CR1L: variants seen among roughly 807,000 people sequenced by gnomAD.
The protein encoded by CR1L is complement C3b/C4b receptor 1 like.
In CR1L, 59 loss-of-function variants were observed where a neutral mutation model predicts 62.3. That is an observed-to-expected ratio of 0.95 (90% CI 0.77 to 1.18). CR1L has a LOEUF of 1.18. Among genes scored for constraint, CR1L ranks in the 50% most tolerant of loss-of-function variants. The pLI, the probability that CR1L is intolerant of heterozygous loss-of-function variation, is 0.00. For synonymous variants in CR1L, 279 were observed against 248.7 expected (o/e 1.12, Z -1.15); for missense variants, 700 against 702.8 (o/e 1.00, Z 0.04).
intron 4 of CR1L, among the ~76,000 whole-genome samples, chr1:207,687,699 T>C (rs1338244170): frequency 6.6e-6 from 1 of 152,234 alleles, no homozygotes; most frequent in Non-Finnish European, 1.5e-5. Flanking sequence ...TATATTGTAT[T>C]TCACTGATGA....
At chr1:207,646,056 C>T (rs12745818) in intron 1 of CR1L, among the ~76,000 whole-genome samples, 27,878 of 149,988 alleles carry the variant, frequency 0.19, 3,212 homozygotes, top group Non-Finnish European at 0.27. Context: ...CTTTTAGTGC[C>T]TTCTGTGAAC....
intron 1 of CR1L, among the ~76,000 whole-genome samples, chr1:207,667,010 T>A (rs1236113485): frequency 6.6e-6 from 1 of 152,230 alleles, no homozygotes; most frequent in East Asian, 1.9e-4. Context: ...TTGTGCCTTT[T>A]TTGGAAGTCC....
intron 4 of CR1L, among the ~76,000 whole-genome samples, chr1:207,686,171 CCT>C (rs1294030162): frequency 1.1e-4 from 12 of 109,822 alleles, no homozygotes; most frequent in East Asian, 7.7e-4. Context: ...TTCCTTCCTT[CCT>C]TCCTTCCCTC....
intron 3 of CR1L, among the ~76,000 whole-genome samples, chr1:207,683,326 A>T (rs1663834741): frequency 6.6e-6 from 1 of 152,164 alleles, no homozygotes; most frequent in Middle Eastern, 3.4e-3. Flanking sequence ...TTGTTGAGAC[A>T]GGGTCTCACT....
At chr1:207,647,005 T>A (rs1052013704) in intron 1 of CR1L, among the ~76,000 whole-genome samples, 1 of 140,206 alleles carries the variant, frequency 7.1e-6, no homozygotes, top group Admixed American at 7.0e-5. Flanking sequence ...TTCTTTATCC[T>A]TTTTTTACTA....
chr1:207,707,321 A>G (rs1664282281), intron 9 of CR1L, among the ~76,000 whole-genome samples: 1 of 152,204 alleles, frequency 6.6e-6, no homozygotes, highest in South Asian at 2.1e-4. Context: ...AAATCATGAA[A>G]AAGGTAGTGA....
At chr1:207,693,178 C>T (rs1047281605) in intron 4 of CR1L, among the ~76,000 whole-genome samples, 1 of 152,132 alleles carries the variant, frequency 6.6e-6, no homozygotes, top group African/African-American at 2.4e-5. Context: ...AGTGCAGTGG[C>T]GCGATCTCGG....
chr1:207,706,443 G>A (rs1276195984), intron 9 of CR1L, among the ~76,000 whole-genome samples: 2 of 151,628 alleles, frequency 1.3e-5, no homozygotes, highest in Admixed American at 6.6e-5. Context: ...AAGAGAAGAC[G>A]TATGTAAGAC....
intron 7 of CR1L, 146 bp downstream of exon 7, chr1:207,698,019 A>T: frequency 7.5e-7 from 1 of 1,340,358 alleles, no homozygotes; most frequent in Non-Finnish European, 1.0e-6. Flanking sequence ...AACTTTTGAA[A>T]GTATATATAG....
chr1:207,715,106 A>C (rs900350869), intron 10 of CR1L, among the ~76,000 whole-genome samples: 6 of 152,190 alleles, frequency 3.9e-5, no homozygotes, highest in Non-Finnish European at 7.3e-5. Context: ...ATGGTTCTTT[A>C]GAATAAATTG....
intron 11 of CR1L, among the ~76,000 whole-genome samples, chr1:207,723,203 G>A (rs1443036996): frequency 3.9e-5 from 6 of 152,166 alleles, no homozygotes; most frequent in South Asian, 2.1e-4. Flanking sequence ...AGGCTGAGGC[G>A]GGCAGATCAC....
chr1:207,648,188 C>T (rs1393744497), intron 1 of CR1L, among the ~76,000 whole-genome samples: 1 of 104,128 alleles, frequency 9.6e-6, no homozygotes, highest in East Asian at 2.5e-4. Flanking sequence ...CACACACACA[C>T]ACACACACAC....
chr1:207,703,746 G>A (rs1294009107), intron 9 of CR1L, among the ~76,000 whole-genome samples: 1 of 152,168 alleles, frequency 6.6e-6, no homozygotes, highest in East Asian at 1.9e-4. Context: ...CATGAGGTCA[G>A]GATTTCAAGA....
chr1:207,652,953 C>T (rs2102440134), intron 1 of CR1L: 1 of 271,186 alleles, frequency 3.7e-6, no homozygotes, highest in East Asian at 9.3e-5. Context: ...TGAAATTTGC[C>T]CTTATAATAG....
At chr1:207,664,914 A>G (rs1663490179) in intron 1 of CR1L, among the ~76,000 whole-genome samples, 1 of 152,242 alleles carries the variant, frequency 6.6e-6, no homozygotes, top group Non-Finnish European at 1.5e-5. Flanking sequence ...GGAAAAGAGG[A>G]AGATGTAAAT....
intron 4 of CR1L, among the ~76,000 whole-genome samples, chr1:207,691,258 C>T (rs1261911826): frequency 1.3e-5 from 2 of 152,148 alleles, no homozygotes; most frequent in African/African-American, 2.4e-5. Flanking sequence ...CTTTACCTCT[C>T]ATAATACTTC....
chr1:207,658,679 G>A (rs907586207), intron 1 of CR1L: 1 of 152,260 alleles, frequency 6.6e-6, no homozygotes, highest in African/African-American at 2.4e-5. Flanking sequence ...TCCACTGCCT[G>A]GTTTCTGCAG....
chr1:207,697,742 T>A, intron 6 of CR1L, 29 bp from the exon 7 acceptor site: 3 of 1,614,044 alleles, frequency 1.9e-6, no homozygotes, highest in Non-Finnish European at 2.5e-6. Flanking sequence ...ACATGCCAGT[T>A]ATTTCTGTTC....
intron 1 of CR1L, among the ~76,000 whole-genome samples, chr1:207,661,579 T>C (rs1006867394): frequency 1.3e-5 from 2 of 152,210 alleles, no homozygotes; most frequent in African/African-American, 2.4e-5. Flanking sequence ...AGCACACTGA[T>C]GGGTCTTGAC....
Sources: allele counts gnomAD v4.1 joint callset (sites outside exome capture counted in the v4.1 genomes callset), GRCh38; gene constraint gnomAD v4.1.1; transcripts MANE v1.5; gene names NCBI Gene and HGNC (gene_info 2026-07-23, HGNC 2026-07-21).